The following RBMS1 variants were observed in gnomAD, a reference collection of about 807,000 sequenced individuals.
RBMS1 encodes RNA binding motif single stranded interacting protein 1.
In RBMS1, 17 loss-of-function variants were observed where a neutral mutation model predicts 62.3. The observed-to-expected ratio is 0.27, with a 90% CI of 0.19 to 0.41. The LOEUF is 0.41. Among genes scored for constraint, RBMS1 ranks in the 10% least tolerant of loss-of-function variants. The pLI is 1.00. For missense variants in RBMS1, 334 were observed against 504.5 expected (o/e 0.66, Z 3.24); for synonymous variants, 172 against 170.0 (o/e 1.01, Z -0.09).
At chr2:160,280,268 G>T (rs1688035327) in intron 10 of RBMS1, among the ~76,000 whole-genome samples, 1 of 152,152 alleles carries the variant, frequency 6.6e-6, no homozygotes, top group Admixed American at 6.6e-5. Flanking sequence ...TGGGTTTGAA[G>T]ATGTGTCTAT....
At chr2:160,449,187 C>T (rs955011874) in intron 1 of RBMS1, among the ~76,000 whole-genome samples, 2 of 151,176 alleles carry the variant, frequency 1.3e-5, no homozygotes, top group African/African-American at 2.4e-5. Flanking sequence ...GCAGCCGCAC[C>T]GTCCAGGAGG....
intron 2 of RBMS1, among the ~76,000 whole-genome samples, chr2:160,358,947 TA>T (rs975791680): frequency 1.3e-5 from 2 of 151,792 alleles, no homozygotes; most frequent in African/African-American, 4.8e-5. Context: ...AATACCATTT[TA>T]AAAAAAACAG....
At chr2:160,398,016 C>T (rs547670317) in intron 1 of RBMS1, among the ~76,000 whole-genome samples, 40 of 152,288 alleles carry the variant, frequency 2.6e-4, no homozygotes, top group Non-Finnish European at 5.0e-4. Flanking sequence ...TAATCCATTC[C>T]CAATGCTCCA....
chr2:160,357,166 C>A (rs879318202), intron 2 of RBMS1, among the ~76,000 whole-genome samples: 5 of 151,920 alleles, frequency 3.3e-5, no homozygotes, highest in Non-Finnish European at 7.4e-5. Context: ...TATAAAGGAA[C>A]AAGGAAAGGA....
At chr2:160,425,013 C>T (rs6432615) in intron 1 of RBMS1, among the ~76,000 whole-genome samples, 118,751 of 152,056 alleles carry the variant, frequency 0.78, 46,717 homozygotes, top group East Asian at 0.91. Context: ...CTTCAGATCC[C>T]TATTAGACCT....
intron 1 of RBMS1, among the ~76,000 whole-genome samples, chr2:160,426,335 A>AAGGAAAGGAAGGAAGGAAGGAAGGAAAGG (rs58658592): frequency 2.1e-5 from 2 of 93,240 alleles, no homozygotes; most frequent in Non-Finnish European, 4.7e-5. Flanking sequence ...GGAAGGAAGG[A>AAGGAAAGGAAGGAAGGAAGGAAGGAAAGG]AAGGAAGGAA....
chr2:160,485,439 G>T (rs772939445), intron 1 of RBMS1, among the ~76,000 whole-genome samples: 1 of 152,186 alleles, frequency 6.6e-6, no homozygotes, highest in Non-Finnish European at 1.5e-5. Flanking sequence ...GTGGTGATTT[G>T]GTTCAATGGC....
At chr2:160,457,330 A>C (rs940582725) in intron 1 of RBMS1, among the ~76,000 whole-genome samples, 2 of 152,062 alleles carry the variant, frequency 1.3e-5, no homozygotes, top group Admixed American at 1.3e-4. Context: ...GGGTTTCTCC[A>C]TGTTGGTCAG....
intron 1 of RBMS1, among the ~76,000 whole-genome samples, chr2:160,392,448 T>C (rs1373494101): frequency 6.7e-6 from 1 of 149,536 alleles, no homozygotes; most frequent in Non-Finnish European, 1.5e-5. Flanking sequence ...ATATTTACTA[T>C]CTGGCCCTTC....
intron 2 of RBMS1, among the ~76,000 whole-genome samples, chr2:160,319,717 A>AT (rs1160664010): frequency 5.3e-5 from 8 of 152,200 alleles, no homozygotes; most frequent in African/African-American, 1.9e-4. Flanking sequence ...AAATGGAAGT[A>AT]TTTTGTAGCA....
chr2:160,486,530 C>G (rs1026657314), intron 1 of RBMS1, among the ~76,000 whole-genome samples: 2 of 152,208 alleles, frequency 1.3e-5, no homozygotes, highest in Non-Finnish European at 2.9e-5. Flanking sequence ...TATCTGGGAC[C>G]CAGCAGCCCA....
chr2:160,334,705 A>C (rs991098697), intron 2 of RBMS1, among the ~76,000 whole-genome samples: 1 of 152,192 alleles, frequency 6.6e-6, no homozygotes, highest in Non-Finnish European at 1.5e-5. Flanking sequence ...TATGGAGCCA[A>C]GGAAATAATG....
intron 2 of RBMS1, among the ~76,000 whole-genome samples, chr2:160,331,219 A>G (rs1389336149): frequency 2.0e-5 from 3 of 152,122 alleles, no homozygotes; most frequent in Admixed American, 1.3e-4. Flanking sequence ...TTAACAAATG[A>G]ATAAAACTCC....
At chr2:160,343,884 G>C (rs1401188072) in intron 2 of RBMS1, among the ~76,000 whole-genome samples, 2 of 152,116 alleles carry the variant, frequency 1.3e-5, no homozygotes, top group African/African-American at 2.4e-5. Context: ...ACAAGAAACT[G>C]AATTTACTGA....
At chr2:160,291,502 A>C (rs1688676466) in intron 6 of RBMS1, among the ~76,000 whole-genome samples, 1 of 152,160 alleles carries the variant, frequency 6.6e-6, no homozygotes, top group Admixed American at 6.6e-5. Context: ...TATGGGCACA[A>C]CATCGTTTCC....
chr2:160,431,157 T>C (rs1682880056), intron 1 of RBMS1, among the ~76,000 whole-genome samples: 1 of 143,862 alleles, frequency 7.0e-6, no homozygotes, highest in African/African-American at 2.6e-5. Flanking sequence ...CTAATAAAAT[T>C]AGACTATTGC....
intron 2 of RBMS1, among the ~76,000 whole-genome samples, chr2:160,343,707 T>C (rs1692017115): frequency 6.6e-6 from 1 of 152,192 alleles, no homozygotes; most frequent in African/African-American, 2.4e-5. Flanking sequence ...TACTATTTTA[T>C]AGCACTTGTT....
chr2:160,408,196 A>C (rs1695873279), intron 1 of RBMS1, among the ~76,000 whole-genome samples: 1 of 150,640 alleles, frequency 6.6e-6, no homozygotes, highest in Admixed American at 6.6e-5. Flanking sequence ...GTTCTTTCCT[A>C]AGCACCAGCG....
chr2:160,287,708 A>C lies in RBMS1; in HGVS notation c.641-624T>G, dbSNP rs537733119. ...AAGTGTCTGGACTTTGTAGTTGCTT[A>C]TTACATCTTGGTTGCATCAGTGAAT... is the stretch of plus-strand genomic sequence containing the variant. On this transcript the variant is annotated intron_variant, in intron 6 of 13. Transcript: ENST00000348849. 4.7e-4 allele frequency among the ~76,000 whole-genome samples: 71 copies of C among 152,314 alleles called. No homozygotes were observed. The South Asian group carries it at 0.011, about 24-fold the overall frequency.
Sources: gnomAD v4.1 joint callset for allele counts (sites outside exome capture counted in the v4.1 genomes callset) on GRCh38, gnomAD v4.1.1 for gene constraint, MANE v1.5 for transcripts, NCBI Gene and HGNC (gene_info 2026-07-23, HGNC 2026-07-21) for gene names.